The following SLC30A8 variants were observed in gnomAD, a reference collection of about 807,000 sequenced individuals.
SLC30A8 encodes proton-coupled zinc antiporter SLC30A8.
Under a neutral mutation model 36.9 loss-of-function variants are expected in SLC30A8, and 27 were observed. The observed-to-expected ratio is 0.73, with a 90% CI of 0.54 to 1.01. SLC30A8 has a LOEUF of 1.01. Among genes scored for constraint, SLC30A8 ranks in the 50% least tolerant of loss-of-function variants. The probability of loss-of-function intolerance (pLI) is 0.00; values close to 1 mark genes in which losing one functional copy is unlikely to be tolerated. For synonymous variants in SLC30A8, 164 were observed against 172.4 expected, an observed-to-expected ratio of 0.95 and a Z score of 0.38; for missense variants, 439 against 452.0, an observed-to-expected ratio of 0.97 and a Z score of 0.26.
intron 1 of SLC30A8, among the ~76,000 whole-genome samples, chr8:117,022,320 G>C (rs1297523963): frequency 6.6e-6 from 1 of 152,222 alleles, no homozygotes; most frequent in Admixed American, 6.5e-5. Flanking sequence ...ATTGATGATT[G>C]AACTGTATTT....
intron 1 of SLC30A8, among the ~76,000 whole-genome samples, chr8:117,143,024 G>A (rs1346231524): frequency 6.6e-6 from 1 of 152,110 alleles, no homozygotes; most frequent in Non-Finnish European, 1.5e-5. Context: ...GTGATTTGAG[G>A]TTCTTGGGAA....
chr8:116,976,567 G>T (rs919617170), intron 1 of SLC30A8, among the ~76,000 whole-genome samples: 8 of 152,146 alleles, frequency 5.3e-5, no homozygotes, highest in Non-Finnish European at 1.5e-5. Flanking sequence ...CTGTTGCCTA[G>T]AAGGGCATAC....
At chr8:117,003,113 C>G (rs1816066381) in intron 1 of SLC30A8, among the ~76,000 whole-genome samples, 2 of 152,184 alleles carry the variant, frequency 1.3e-5, no homozygotes, top group South Asian at 4.1e-4. Context: ...TCAGTACTTT[C>G]TGCTGCAGCA....
chr8:117,166,387 C>G (rs764098381), intron 6 of SLC30A8, among the ~76,000 whole-genome samples: 1 of 152,128 alleles, frequency 6.6e-6, no homozygotes, highest in Non-Finnish European at 1.5e-5. Context: ...TATTTTCTAT[C>G]TTACATTCCA....
intron 6 of SLC30A8, among the ~76,000 whole-genome samples, chr8:117,166,801 G>A (rs1406008661): frequency 1.3e-5 from 1 of 74,402 alleles, no homozygotes; most frequent in African/African-American, 6.0e-5. Context: ...AGCACATTTT[G>A]ACATAAGGTA....
chr8:117,069,406 A>G (rs1818261417), intron 2 of SLC30A8, among the ~76,000 whole-genome samples: 1 of 152,180 alleles, frequency 6.6e-6, no homozygotes, highest in African/African-American at 2.4e-5. Flanking sequence ...AGTACTTAGT[A>G]TTTTGTTCAG....
intron 2 of SLC30A8, among the ~76,000 whole-genome samples, chr8:117,076,434 G>A (rs1002247925): frequency 2.0e-5 from 3 of 151,996 alleles, no homozygotes; most frequent in Admixed American, 6.6e-5. Flanking sequence ...AAACTGCAGC[G>A]AATTTTGAGA....
At chr8:116,997,323 G>A (rs2130677339) in intron 1 of SLC30A8, among the ~76,000 whole-genome samples, 1 of 152,172 alleles carries the variant, frequency 6.6e-6, no homozygotes, top group South Asian at 2.1e-4. Context: ...ATTCATTGCA[G>A]GTGAACCATA....
chr8:117,172,516 C>T lies in SLC30A8; in HGVS notation c.965-20C>T. 1.2e-6 allele frequency: 2 copies of T among 1,613,492 alleles called. No homozygotes were observed. Among genetic ancestry groups the T allele is most frequent in the Middle Eastern group, 1.7e-4 (1 of 6,040 alleles). Reference sequence around the variant, plus strand: ...GCGTGTGCAATCAGTGCTAATCTCCCTGTGCTTCTTTATCAACAGCAGCCA... The same window carrying T: ...GCGTGTGCAATCAGTGCTAATCTCCTTGTGCTTCTTTATCAACAGCAGCCA... On this transcript the variant is annotated intron_variant, in intron 7 of 7. Coordinates refer to ENST00000456015, the MANE Select transcript of SLC30A8 (RefSeq NM_173851.3).
At chr8:117,025,670 A>T (rs1387399486) in intron 1 of SLC30A8, among the ~76,000 whole-genome samples, 5 of 152,112 alleles carry the variant, frequency 3.3e-5, no homozygotes, top group African/African-American at 1.2e-4. Flanking sequence ...GATTGATCCT[A>T]TATCTCTAGG....
intron 2 of SLC30A8, among the ~76,000 whole-genome samples, chr8:117,042,752 T>C (rs1817423884): frequency 6.6e-6 from 1 of 152,078 alleles, no homozygotes; most frequent in Non-Finnish European, 1.5e-5. Context: ...CTTGGATCAC[T>C]GCAACCTCCG....
At chr8:117,040,054 G>C (rs576681910) in intron 2 of SLC30A8, among the ~76,000 whole-genome samples, 1 of 152,280 alleles carries the variant, frequency 6.6e-6, no homozygotes, top group African/African-American at 2.4e-5. Context: ...GCCTGTGTAT[G>C]TACATATGCC....
At chr8:117,029,108 T>A (rs974999826) in intron 1 of SLC30A8, among the ~76,000 whole-genome samples, 1 of 152,186 alleles carries the variant, frequency 6.6e-6, no homozygotes, top group Non-Finnish European at 1.5e-5. Flanking sequence ...AAATAGTATC[T>A]TTTGCCCCTG....
At chr8:117,027,533 A>G (rs1816911395) in intron 1 of SLC30A8, among the ~76,000 whole-genome samples, 2 of 152,122 alleles carry the variant, frequency 1.3e-5, no homozygotes, top group Non-Finnish European at 2.9e-5. Flanking sequence ...ACTCTAGTTC[A>G]CTGTGCTGTA....
chr8:117,136,922 G>T (rs1821390845), intron 1 of SLC30A8, among the ~76,000 whole-genome samples: 1 of 151,962 alleles, frequency 6.6e-6, no homozygotes, highest in African/African-American at 2.4e-5. Flanking sequence ...CTTGTCAAGG[G>T]AAATAAATTA....
chr8:117,169,849 A>G (rs778459821), intron 6 of SLC30A8, among the ~76,000 whole-genome samples: 56 of 152,136 alleles, frequency 3.7e-4, no homozygotes, highest in Non-Finnish European at 5.4e-4. Context: ...ATCTGGCACC[A>G]TGACCCAAAC....
intron 1 of SLC30A8, among the ~76,000 whole-genome samples, chr8:116,970,689 T>C (rs1814762786): frequency 6.6e-6 from 1 of 152,216 alleles, no homozygotes; most frequent in African/African-American, 2.4e-5. Flanking sequence ...AACGTCATTA[T>C]GTGGCTCATA....
intron 1 of SLC30A8, among the ~76,000 whole-genome samples, chr8:117,146,190 C>A (rs906527359): frequency 6.6e-6 from 1 of 152,024 alleles, no homozygotes; most frequent in Non-Finnish European, 1.5e-5. Context: ...CTGATTTGAT[C>A]TTTAAAAATT....
At chr8:117,101,725 G>A (rs780950346) in intron 2 of SLC30A8, among the ~76,000 whole-genome samples, 4 of 152,110 alleles carry the variant, frequency 2.6e-5, no homozygotes, top group African/African-American at 4.8e-5. Context: ...ATAAAAGCAG[G>A]CAGAAGAATG....
Sources: gnomAD v4.1 joint callset for allele counts (sites outside exome capture counted in the v4.1 genomes callset) on GRCh38, gnomAD v4.1.1 for gene constraint, MANE v1.5 for transcripts, NCBI Gene and HGNC (gene_info 2026-07-23, HGNC 2026-07-21) for gene names.